The following CACNA2D1 variants were observed in gnomAD, a reference collection of about 807,000 sequenced individuals.
CACNA2D1 encodes the protein voltage-dependent calcium channel subunit alpha-2/delta-1.
In CACNA2D1, 53 loss-of-function variants were observed where a neutral mutation model predicts 171.5. That is an observed-to-expected ratio of 0.31 (90% CI 0.25 to 0.39). The LOEUF (loss-of-function observed/expected upper bound fraction) is 0.39. Among genes scored for constraint, CACNA2D1 ranks in the 10% least tolerant of loss-of-function variants. The probability of loss-of-function intolerance (pLI) is 1.00; values close to 1 mark genes in which losing one functional copy is unlikely to be tolerated. For missense variants in CACNA2D1, 903 were observed against 1,299.8 expected (o/e 0.69, Z 4.69); for synonymous variants, 442 against 443.1 (o/e 1.00, Z 0.03).
intron 3 of CACNA2D1, among the ~76,000 whole-genome samples, chr7:82,329,448 C>T (rs956649068): frequency 6.6e-6 from 1 of 152,034 alleles, no homozygotes; most frequent in South Asian, 2.1e-4. Flanking sequence ...GCCTAGAGAC[C>T]TTCATTTACT....
chr7:81,961,544 T>C (rs1229057853), intron 36 of CACNA2D1, among the ~76,000 whole-genome samples: 1 of 151,486 alleles, frequency 6.6e-6, no homozygotes, highest in Non-Finnish European at 1.5e-5. Context: ...TAACTTTATA[T>C]TAGAAATTTT....
At chr7:82,235,034 T>C (rs1405267748) in intron 3 of CACNA2D1, among the ~76,000 whole-genome samples, 4 of 152,164 alleles carry the variant, frequency 2.6e-5, no homozygotes, top group Non-Finnish European at 5.9e-5. Context: ...CCTGATGACC[T>C]GAGGTGAAAT....
intron 18 of CACNA2D1, 154 bp downstream of exon 18, chr7:82,005,269 T>C (rs1292886798): frequency 1.1e-5 from 7 of 644,262 alleles, no homozygotes; most frequent in South Asian, 9.4e-5. Flanking sequence ...TATAGTATCA[T>C]GTGTGGTCCT....
intron 10 of CACNA2D1, among the ~76,000 whole-genome samples, chr7:82,053,183 C>T (rs542274533): frequency 3.2e-4 from 46 of 142,160 alleles, no homozygotes; most frequent in Middle Eastern, 3.9e-3. Context: ...ACCTGGGAGG[C>T]GGAGCTTGCA....
intron 4 of CACNA2D1, among the ~76,000 whole-genome samples, chr7:82,169,577 C>T (rs1795811033): frequency 1.3e-5 from 2 of 151,934 alleles, no homozygotes; most frequent in South Asian, 4.1e-4. Context: ...ATCATAGAAA[C>T]ACAAAGAAGT....
intron 3 of CACNA2D1, among the ~76,000 whole-genome samples, chr7:82,241,777 G>T (rs1454047469): frequency 1.3e-5 from 2 of 152,068 alleles, no homozygotes; most frequent in Admixed American, 1.3e-4. Context: ...TATGTTTAGT[G>T]CAAATACGAC....
At chr7:82,114,198 A>AT (rs943391299) in intron 6 of CACNA2D1, among the ~76,000 whole-genome samples, 50 of 152,292 alleles carry the variant, frequency 3.3e-4, no homozygotes, top group Non-Finnish European at 6.0e-4. Context: ...TTTTAAAAAA[A>AT]TTTTTTAAAA....
chr7:81,950,571 T>C, intron 38 of CACNA2D1, 63 bp from the exon 39 acceptor site: 2 of 1,537,922 alleles, frequency 1.3e-6, no homozygotes, highest in Admixed American at 2.0e-5. Context: ...GAAAAATATT[T>C]AGTAACACAT....
intron 1 of CACNA2D1, among the ~76,000 whole-genome samples, chr7:82,405,240 A>G (rs1563504954): frequency 6.6e-6 from 1 of 152,198 alleles, no homozygotes; most frequent in African/African-American, 2.4e-5. Context: ...AGACAATAGT[A>G]GTAACATAAA....
chr7:82,313,443 A>C (rs139427304), intron 3 of CACNA2D1, among the ~76,000 whole-genome samples: 142 of 152,324 alleles, frequency 9.3e-4, no homozygotes, highest in African/African-American at 3.3e-3. Context: ...GGCCCTACTT[A>C]TCTGCAGATC....
At chr7:82,016,226 G>A (rs974344044) in intron 12 of CACNA2D1, among the ~76,000 whole-genome samples, 3 of 152,068 alleles carry the variant, frequency 2.0e-5, no homozygotes, top group African/African-American at 7.2e-5. Flanking sequence ...TTTATAAGCA[G>A]GTTGACCACC....
At chr7:82,344,868 T>C (rs1204692205) in intron 2 of CACNA2D1, among the ~76,000 whole-genome samples, 1 of 152,178 alleles carries the variant, frequency 6.6e-6, no homozygotes, top group Non-Finnish European at 1.5e-5. Context: ...ATAGCTGTAT[T>C]TGTTTATTTA....
intron 3 of CACNA2D1, among the ~76,000 whole-genome samples, chr7:82,286,077 CACT>C (rs1585339951): frequency 6.6e-6 from 1 of 152,054 alleles, no homozygotes; most frequent in African/African-American, 2.4e-5. Context: ...TGTAATACAC[CACT>C]GTTTCGTACT....
intron 4 of CACNA2D1, among the ~76,000 whole-genome samples, chr7:82,159,056 C>G (rs1235320165): frequency 6.6e-6 from 1 of 151,728 alleles, no homozygotes; most frequent in African/African-American, 2.4e-5. Flanking sequence ...TAACTTAAGA[C>G]CAGAATTTAG....
intron 3 of CACNA2D1, among the ~76,000 whole-genome samples, chr7:82,220,627 A>G (rs796371870): frequency 2.6e-5 from 4 of 152,292 alleles, no homozygotes; most frequent in African/African-American, 9.6e-5. Flanking sequence ...ATTTTAAGGA[A>G]AAATAACTGG....
intron 3 of CACNA2D1, among the ~76,000 whole-genome samples, chr7:82,253,453 T>C (rs1805915577): frequency 6.6e-6 from 1 of 152,206 alleles, no homozygotes; most frequent in Non-Finnish European, 1.5e-5. Context: ...TATCACACAA[T>C]GTTCAAGAAC....
chr7:82,211,018 T>C (rs1010111625), intron 3 of CACNA2D1, among the ~76,000 whole-genome samples: 1 of 152,160 alleles, frequency 6.6e-6, no homozygotes, highest in Non-Finnish European at 1.5e-5. Context: ...GATGTAATCT[T>C]CACAGACGTG....
intron 1 of CACNA2D1, among the ~76,000 whole-genome samples, chr7:82,441,399 C>A (rs1046515871): frequency 6.6e-6 from 1 of 151,948 alleles, no homozygotes; most frequent in Non-Finnish European, 1.5e-5. Flanking sequence ...TAATCAATGT[C>A]TTATATAATT....
intron 1 of CACNA2D1, among the ~76,000 whole-genome samples, chr7:82,435,583 C>T (rs1256217498): frequency 3.9e-5 from 6 of 152,114 alleles, no homozygotes; most frequent in Admixed American, 3.9e-4. Context: ...CTACTTCATA[C>T]CTGCTTCACC....
Sources: gnomAD v4.1 joint callset for allele counts (sites outside exome capture counted in the v4.1 genomes callset) on GRCh38, gnomAD v4.1.1 for gene constraint, MANE v1.5 for transcripts, NCBI Gene and HGNC (gene_info 2026-07-23, HGNC 2026-07-21) for gene names.